The following CHCHD3 variants were observed in gnomAD, a reference collection of about 807,000 sequenced individuals.
The protein encoded by CHCHD3 is coiled-coil-helix-coiled-coil-helix domain containing 3.
CHCHD3 carries 20 observed loss-of-function variants against 38.2 expected under a neutral mutation model. That is an observed-to-expected ratio of 0.52 (90% CI 0.37 to 0.76). The LOEUF is 0.76. Ranked by LOEUF, CHCHD3 falls within the 30% of genes least tolerant of loss-of-function variation. CHCHD3 has a pLI of 0.00. For missense variants in CHCHD3, 245 were observed against 279.2 expected, an observed-to-expected ratio of 0.88 and a Z score of 0.87; for synonymous variants, 82 against 100.0, an observed-to-expected ratio of 0.82 and a Z score of 1.07.
intron 6 of CHCHD3, among the ~76,000 whole-genome samples, chr7:132,803,014 AAAT>A (rs1401367930): frequency 1.3e-5 from 2 of 152,190 alleles, no homozygotes. Flanking sequence ...AACAAATGTC[AAAT>A]AATAACGCTG....
chr7:132,831,365 C>T (rs1671654924), intron 6 of CHCHD3, among the ~76,000 whole-genome samples: 1 of 150,668 alleles, frequency 6.6e-6, no homozygotes, highest in Non-Finnish European at 1.5e-5. Flanking sequence ...AGAGATAAAA[C>T]ATTTATCATG....
At chr7:132,898,015 G>A (rs533618113) in intron 4 of CHCHD3, among the ~76,000 whole-genome samples, 2 of 152,156 alleles carry the variant, frequency 1.3e-5, no homozygotes, top group Non-Finnish European at 2.9e-5. Context: ...AGACCTTCGC[G>A]GTGAGTGTTA....
At chr7:133,048,510 G>A (rs1164968805) in intron 2 of CHCHD3, among the ~76,000 whole-genome samples, 1 of 152,124 alleles carries the variant, frequency 6.6e-6, no homozygotes, top group African/African-American at 2.4e-5. Flanking sequence ...GAAGTGAGGA[G>A]AAGGGTGACA....
intron 3 of CHCHD3, among the ~76,000 whole-genome samples, chr7:132,978,410 C>T (rs1310693963): frequency 1.3e-5 from 2 of 152,272 alleles, no homozygotes; most frequent in East Asian, 1.9e-4. Context: ...TCCCTCTTGT[C>T]CATAGCTCCA....
At chr7:132,902,214 T>C (rs1008435188) in intron 4 of CHCHD3, among the ~76,000 whole-genome samples, 8 of 152,196 alleles carry the variant, frequency 5.3e-5, no homozygotes, top group Non-Finnish European at 7.3e-5. Flanking sequence ...TTTTACACTG[T>C]TGGTGGGACT....
intron 5 of CHCHD3, among the ~76,000 whole-genome samples, chr7:132,867,485 T>C (rs2117143415): frequency 6.6e-6 from 1 of 152,306 alleles, no homozygotes; most frequent in East Asian, 1.9e-4. Context: ...CAGCAAAACT[T>C]ACAGAACTTA....
At chr7:132,921,974 A>C (rs1416564438) in intron 4 of CHCHD3, among the ~76,000 whole-genome samples, 3 of 152,216 alleles carry the variant, frequency 2.0e-5, no homozygotes, top group Non-Finnish European at 2.9e-5. Flanking sequence ...CCAAGGATTC[A>C]CGGCTAGAAA....
chr7:132,976,308 C>A (rs1179810364), intron 3 of CHCHD3, among the ~76,000 whole-genome samples: 5 of 152,178 alleles, frequency 3.3e-5, no homozygotes, highest in Non-Finnish European at 7.3e-5. Flanking sequence ...ACAGGAGAAT[C>A]TTACTTCCCT....
intron 5 of CHCHD3, among the ~76,000 whole-genome samples, chr7:132,881,599 T>C (rs1809059797): frequency 6.6e-6 from 1 of 152,234 alleles, no homozygotes; most frequent in African/African-American, 2.4e-5. Flanking sequence ...GTATCTACTT[T>C]ATAGTTTCAT....
chr7:132,984,114 C>A (rs1422857899), intron 3 of CHCHD3, among the ~76,000 whole-genome samples: 1 of 151,816 alleles, frequency 6.6e-6, no homozygotes, highest in Non-Finnish European at 1.5e-5. Context: ...TGATGCCGAG[C>A]CAAAGCTGGA....
At chr7:132,865,133 T>C (rs1808586441) in intron 5 of CHCHD3, among the ~76,000 whole-genome samples, 1 of 152,146 alleles carries the variant, frequency 6.6e-6, no homozygotes. Context: ...GGTCTAAACC[T>C]GAGAAATAAT....
intron 4 of CHCHD3, among the ~76,000 whole-genome samples, chr7:132,903,098 T>C (rs1212137640): frequency 6.6e-6 from 1 of 152,276 alleles, no homozygotes; most frequent in Admixed American, 6.5e-5. Context: ...GCAAGTACAA[T>C]TGTCTCTCAG....
chr7:132,845,018 C>T (rs1410704933), intron 5 of CHCHD3: 1 of 152,166 alleles, frequency 6.6e-6, no homozygotes, highest in Non-Finnish European at 1.5e-5. Flanking sequence ...CCTGTAAAAC[C>T]TATGCATATG....
chr7:132,856,309 G>A (rs895398487), intron 5 of CHCHD3, among the ~76,000 whole-genome samples: 4 of 152,196 alleles, frequency 2.6e-5, no homozygotes, highest in African/African-American at 9.7e-5. Flanking sequence ...TTAGGGAGCT[G>A]AGGTCTACAA....
At chr7:132,929,578 CT>C (rs1407697999) in intron 4 of CHCHD3, among the ~76,000 whole-genome samples, 2 of 152,148 alleles carry the variant, frequency 1.3e-5, no homozygotes, top group Non-Finnish European at 2.9e-5. Context: ...ATGTTTCCAA[CT>C]TATTTAATGA....
In CHCHD3 at chr7:132,888,874, G is replaced by A. The variant is rs182509151; in HGVS notation, c.370-3129C>T. Among the ~76,000 whole-genome samples, 133 of 152,124 alleles carry A rather than the reference G, an allele frequency of 8.7e-4. 2 individuals carry two copies. The South Asian group carries it at 0.015, about 17-fold the overall frequency. On this transcript the variant is annotated intron_variant, in intron 4 of 7. Coordinates refer to ENST00000262570, the MANE Select transcript of CHCHD3 (RefSeq NM_017812.4). ...TTTTGCATGAGAAATGGGGGAGGGA[G>A]GAGCAGAAGGGAGGGACAGAGAAGG... is the stretch of plus-strand genomic sequence containing the variant.
intron 7 of CHCHD3, among the ~76,000 whole-genome samples, chr7:132,795,866 T>C (rs1016116829): frequency 3.9e-5 from 6 of 152,232 alleles, no homozygotes; most frequent in Non-Finnish European, 8.8e-5. Flanking sequence ...GAACATCATA[T>C]TGTTCTGATA....
chr7:132,919,652 C>CATAT (rs1810209762), intron 4 of CHCHD3, among the ~76,000 whole-genome samples: 1 of 152,158 alleles, frequency 6.6e-6, no homozygotes. Flanking sequence ...TCAGTTTAGT[C>CATAT]ACACGCCTCT....
At chr7:132,892,746 A>T (rs1054613773) in intron 4 of CHCHD3, among the ~76,000 whole-genome samples, 1 of 152,196 alleles carries the variant, frequency 6.6e-6, no homozygotes, top group Non-Finnish European at 1.5e-5. Context: ...AGCCGTGGCT[A>T]AAAGAGGCCA....
Sources: gnomAD v4.1 joint callset for allele counts (sites outside exome capture counted in the v4.1 genomes callset) on GRCh38, gnomAD v4.1.1 for gene constraint, MANE v1.5 for transcripts, NCBI Gene and HGNC (gene_info 2026-07-23, HGNC 2026-07-21) for gene names.